The following SBF1 variants were observed in gnomAD, a reference collection of about 807,000 sequenced individuals.
SBF1 encodes myotubularin-related protein 5.
Under a neutral mutation model 215.8 loss-of-function variants are expected in SBF1, and 65 were observed. That is an observed-to-expected ratio of 0.30 (90% CI 0.25 to 0.37). The LOEUF (loss-of-function observed/expected upper bound fraction) is 0.37, where lower values mean the gene tolerates loss of function less well. SBF1 is among the 10% of genes least tolerant of loss of function. The pLI, the probability that SBF1 is intolerant of heterozygous loss-of-function variation, is 1.00. For missense variants in SBF1, 2,634 were observed against 2,667.8 expected (o/e 0.99, Z 0.28); for synonymous variants, 1,410 against 1,122.8 (o/e 1.26, Z -5.11).
intron 10 of SBF1, 85 bp from the exon 11 acceptor site, chr22:50,465,413 C>T (rs1800439859): frequency 8.5e-7 from 1 of 1,176,460 alleles, no homozygotes; most frequent in Admixed American, 2.1e-5. Context: ...CACCCCAACC[C>T]ACCCCAAGCT....
chr22:50,455,535 A>G lies in SBF1; in HGVS notation c.4314T>C (p.Asp1438=). 1 of 1,598,770 alleles carries G rather than the reference A, an allele frequency of 6.3e-7. No individual in the cohort carries two copies. The highest frequency in any genetic ancestry group is 8.5e-7 in the Non-Finnish European group (1 of 1,173,036). The change falls in exon 32 of 41, where the codon GAT becomes GAC. Residue 1438 remains aspartate, a synonymous_variant. Transcript: ENST00000380817. Reference sequence around the variant, plus strand: ...GGCCCACCAGCACGGAGGAGCCTGAATCCAGGAGCTCCACCACCAGCACAG... The same window carrying G: ...GGCCCACCAGCACGGAGGAGCCTGAGTCCAGGAGCTCCACCACCAGCACAG... ...QVSVLVVELL[D]SGSSVLVGLE... is the part of the protein sequence containing the mutation.
At chr22:50,465,906 G>C in intron 9 of SBF1, 55 bp downstream of exon 9, 5 of 1,610,460 alleles carry the variant, frequency 3.1e-6, no homozygotes, top group Non-Finnish European at 3.4e-6. Flanking sequence ...CGTGCTGCCA[G>C]GTAGCCACAT....
In SBF1 at chr22:50,446,968, T is replaced by C. The variant is rs2066849168; in HGVS notation, c.*174A>G. 1 of 719,710 alleles carries C rather than the reference T, an allele frequency of 1.4e-6. No individual in the cohort carries two copies. The highest frequency in any genetic ancestry group is 1.5e-5 in the South Asian group (1 of 66,844). The allele number at this position is 719,710 out of a possible 1,614,324, so 44.6% of individuals were successfully genotyped here. ...TGCTCAGCTGTGACGCCAAAATAAG[T>C]TAGGGCCGGCCGGGCGGGGCGGGGC... On this transcript the variant is annotated 3_prime_UTR_variant, in exon 41 of 41. Coordinates refer to ENST00000380817, the MANE Select transcript of SBF1 (RefSeq NM_002972.4).
At position 50,462,607 on chromosome 22, in the gene SBF1, G is replaced by T; in HGVS notation, c.2079C>A (p.His693Gln). The T allele has an allele frequency of 6.2e-7, 1 of 1,612,562 alleles. No homozygotes were observed. The highest frequency in any genetic ancestry group is 8.5e-7 in the Non-Finnish European group (1 of 1,179,714). Residue 693 changes from histidine (H) to glutamine (Q), a missense_variant, in exon 18 of 41, where the codon CAC becomes CAA. Transcript: ENST00000380817. ...EAMFYGDVQT[H>Q]IRALYLEPTE... ...TGGGCTCCAGGTAGAGGGCCCGGAT[G>T]TGAGTCTGCACATCCCCATAGAACA... is the stretch of plus-strand genomic sequence containing the variant.
Position 50,467,629 on chromosome 22 carries a change from G to C in SBF1, c.341C>G (p.Thr114Ser). ...GGCAGGTGCTGTGGGAGACAGGTGG[G>C]TCTGGCCTCCCTCATCCCCCTCTTC... ...REEEGDEGGQ[T>S]HLSPTAPAPS... The change falls in exon 4 of 41, where the codon ACC becomes AGC. Residue 114 changes from threonine (T) to serine (S), a missense_variant. Thr to Ser is a moderately conservative substitution (Grantham distance 58). Transcript: ENST00000380817. 1 of 1,613,916 alleles carries C rather than the reference G, an allele frequency of 6.2e-7. No individual in the cohort carries two copies. The highest frequency in any genetic ancestry group is 8.5e-7 in the Non-Finnish European group (1 of 1,179,960).
chr22:50,447,423 CTG>C lies in SBF1; in HGVS notation c.5480_5481del (p.Thr1827ArgfsTer25), dbSNP rs1569507967. On this transcript the variant is annotated frameshift_variant, in exon 40 of 41. Coordinates refer to ENST00000380817, the MANE Select transcript of SBF1 (RefSeq NM_002972.4). LOFTEE classifies it high-confidence loss of function. ...GCCAAGTCGATGACACCCTTGCACT[CTG>C]TGTCCACACGGTGGTCGTAGTAGCG... ...QLRYYDHRVDTECKGVIDLAE... is the reference protein window; with the variant it reads ...QLRYYDHRVDXECKGVIDLAE... The C allele has an allele frequency of 1.2e-6, 2 of 1,614,012 alleles. No homozygotes were observed. Among genetic ancestry groups the C allele is most frequent in the East Asian group, 2.2e-5 (1 of 44,860 alleles).
intron 1 of SBF1, among the ~76,000 whole-genome samples, chr22:50,469,556 G>A (rs2067920681): frequency 6.6e-6 from 1 of 152,198 alleles, no homozygotes; most frequent in Non-Finnish European, 1.5e-5. Context: ...CCCAGGGCTT[G>A]TGGAGGATGG....
Position 50,459,932 on chromosome 22 carries a change from C to T in SBF1, c.3491+20G>A. The stretch of plus-strand genomic sequence containing the variant: ...CCAGTCACGTGTCCACCACCCGGGC[C>T]AGCCCTGGCCGGCCCTCACCTGCGG... On this transcript the variant is annotated intron_variant, in intron 26 of 40. Coordinates refer to ENST00000380817, the MANE Select transcript of SBF1 (RefSeq NM_002972.4). 6.2e-7 allele frequency: 1 copy of T among 1,612,742 alleles called. No homozygotes were observed. Among genetic ancestry groups the T allele is most frequent in the Non-Finnish European group, 8.5e-7 (1 of 1,179,384 alleles).
In SBF1 at chr22:50,455,525, A is replaced by G; in HGVS notation, c.4324T>C (p.Ser1442Pro). Residue 1442 changes from serine to proline, a missense_variant, in exon 32 of 41, where the codon TCC (serine) becomes CCC (proline). Physicochemically the swap from Ser to Pro is moderately conservative, Grantham distance 74. Transcript: ENST00000380817. ...CCATCCTCCAGGCCCACCAGCACGG[A>G]GGAGCCTGAATCCAGGAGCTCCACC... ...LVVELLDSGSSVLVGLEDGWD... is the reference protein window; with the variant it reads ...LVVELLDSGSPVLVGLEDGWD... The G allele has an allele frequency of 6.2e-7, 1 of 1,602,172 alleles. No individual in the cohort carries two copies. Among genetic ancestry groups the G allele is most frequent in the Non-Finnish European group, 8.5e-7 (1 of 1,174,808 alleles).
Position 50,466,026 on chromosome 22 carries a change from C to T in SBF1, c.946G>A (p.Glu316Lys). 4 of 1,613,962 alleles carry T rather than the reference C, an allele frequency of 2.5e-6. No homozygotes were observed. Among genetic ancestry groups the T allele is most frequent in the Non-Finnish European group, 3.4e-6 (4 of 1,180,048 alleles). ...GGCAAGGGTGGAATGTGCACACACT[C>T]AGGAATGGTGACCGTCCCTCCATCC... ...DLDGGTVTIP[E>K]CVHIPPLPEP... The change falls in exon 9 of 41, where the codon GAG (glutamate) becomes AAG (lysine). Residue 316 changes from glutamate (E) to lysine (K), a missense_variant. Transcript: ENST00000380817.
Position 50,467,543 on chromosome 22 carries a change from C to T in SBF1, c.427G>A (p.Glu143Lys). The change falls in exon 4 of 41, where the codon GAG becomes AAG. Residue 143 changes from glutamate (E) to lysine (K), a missense_variant. Physicochemically the swap from Glu to Lys is moderately conservative, Grantham distance 56. Coordinates refer to ENST00000380817, the MANE Select transcript of SBF1 (RefSeq NM_002972.4). ...LVLVSRLDHT[E>K]VFRNSLGLIY... ...GCTGCCGGCCTCACCCTGAACACCT[C>T]CGTGTGGTCGAGTCGCGACACCAGT... 2 of 1,614,130 alleles carry T rather than the reference C, an allele frequency of 1.2e-6. No homozygotes were observed. Among genetic ancestry groups the T allele is most frequent in the Non-Finnish European group, 8.5e-7 (1 of 1,180,004 alleles).
chr22:50,460,221 G>A (rs1164680336), intron 25 of SBF1, 51 bp downstream of exon 25: 5 of 1,601,610 alleles, frequency 3.1e-6, no homozygotes, highest in Non-Finnish European at 4.3e-6. Context: ...ATCCTCCCTG[G>A]CCAATGTCAG....
intron 1 of SBF1, 141 bp from the exon 2 acceptor site, chr22:50,468,602 C>G (rs548623475): frequency 1.7e-6 from 1 of 600,718 alleles, no homozygotes; most frequent in South Asian, 2.0e-5. Flanking sequence ...AAAATAGCTC[C>G]GTATGGAGAG....
chr22:50,456,453 G>GGCCCCCCCCCCCCCCCCCCCCC, intron 30 of SBF1, 39 bp downstream of exon 30: 1 of 1,520,050 alleles, frequency 6.6e-7, no homozygotes, highest in Non-Finnish European at 8.9e-7. Context: ...CCCCTGCCGA[G>GGCCCCCCCCCCCCCCCCCCCCC]CCCCCACCCT....
At position 50,459,225 on chromosome 22, in the gene SBF1, G is replaced by A. The variant is rs1419837625; in HGVS notation, c.3826+30C>T. ...CACCACGGCCCCCCAAAGTGCCCCTGCCCCACCGTCTGCCCACAAGCACCC... is the reference window on the plus strand; with the variant it reads ...CACCACGGCCCCCCAAAGTGCCCCTACCCCACCGTCTGCCCACAAGCACCC... On this transcript the variant is annotated intron_variant, in intron 28 of 40. Coordinates refer to ENST00000380817, the MANE Select transcript of SBF1 (RefSeq NM_002972.4). 6 of 1,579,928 alleles carry A rather than the reference G, an allele frequency of 3.8e-6. No individual in the cohort carries two copies. The East Asian group carries it at 6.8e-5, about 18-fold the overall frequency.
At position 50,467,972 on chromosome 22, in the gene SBF1, G is replaced by A. The variant is rs754243845; in HGVS notation, c.142-49C>T. ...GCTCCTCCCCCTACACCTGTGGCAG[G>A]AACCAGCCCACCCGCCCCAGCATCT... On this transcript the variant is annotated intron_variant, in intron 2 of 40. Coordinates refer to ENST00000380817, the MANE Select transcript of SBF1 (RefSeq NM_002972.4). 3.1e-6 allele frequency: 5 copies of A among 1,600,130 alleles called. No homozygotes were observed. In the African/African-American group the frequency reaches 5.3e-5, roughly 17 times the overall value.
intron 29 of SBF1, 112 bp from the exon 30 acceptor site, chr22:50,456,785 T>TGGCAGGACCCC: frequency 1.0e-6 from 1 of 968,090 alleles, no homozygotes. Flanking sequence ...CAGGGGTGGT[T>TGGCAGGACCCC]GGCAGGACCC....
At position 50,464,387 on chromosome 22, in the gene SBF1, T is replaced by C; in HGVS notation, c.1691A>G (p.Glu564Gly). Residue 564 changes from glutamate (E) to glycine (G), a missense_variant, in exon 15 of 41, where the codon GAG (glutamate) becomes GGG (glycine). Transcript: ENST00000380817. ...GTAGGAGATGCAGTTGCGCACAACC[T>C]CCAGCCGCCGGGCGCTGTTGACATG... Reference protein sequence around the residue: ...GLHVNSARRLEVVRNCISYVF... With the variant: ...GLHVNSARRLGVVRNCISYVF... The C allele has an allele frequency of 1.9e-6, 3 of 1,614,050 alleles. No individual in the cohort carries two copies. Among genetic ancestry groups the C allele is most frequent in the Non-Finnish European group, 2.5e-6 (3 of 1,180,026 alleles).
At chr22:50,464,482 C>G in intron 14 of SBF1, 41 bp from the exon 15 acceptor site, 3 of 1,603,720 alleles carry the variant, frequency 1.9e-6, no homozygotes, top group East Asian at 2.2e-5. Context: ...CCTGACCCCA[C>G]GCCCATCCTG....
Sources: gnomAD v4.1 joint callset for allele counts (sites outside exome capture counted in the v4.1 genomes callset) on GRCh38, gnomAD v4.1.1 for gene constraint, MANE v1.5 for transcripts, NCBI Gene and HGNC (gene_info 2026-07-23, HGNC 2026-07-21) for gene names.